TECPR2: variants seen among roughly 807,000 people sequenced by gnomAD.
TECPR2 encodes the protein tectonin beta-propeller repeat containing 2, also known as tectonin beta-propeller repeat-containing protein 2.
TECPR2 carries 65 observed loss-of-function variants against 138.1 expected under a neutral mutation model. The observed-to-expected ratio is 0.47, with a 90% CI of 0.39 to 0.58. TECPR2 has a LOEUF of 0.58. TECPR2 is among the 20% of genes least tolerant of loss of function. TECPR2 has a pLI of 0.00. For missense variants in TECPR2, 1,553 were observed against 1,824.5 expected, an observed-to-expected ratio of 0.85 and a Z score of 2.71; for synonymous variants, 746 against 749.8, an observed-to-expected ratio of 0.99 and a Z score of 0.08.
At chr14:102,432,902 G>C (rs746057906) in intron 8 of TECPR2, among the ~76,000 whole-genome samples, 2 of 151,670 alleles carry the variant, frequency 1.3e-5, no homozygotes, top group Non-Finnish European at 2.9e-5. Flanking sequence ...CACTCGGGAG[G>C]CTGAGGCAGG....
In TECPR2 at chr14:102,438,225, GCTCCCGCTCCCT is replaced by G; in HGVS notation, c.2578+21_2578+32del. 2 of 866,156 alleles carry G rather than the reference GCTCCCGCTCCCT, an allele frequency of 2.3e-6. No individual in the cohort carries two copies. The highest frequency in any genetic ancestry group is 4.3e-5 in the South Asian group (2 of 46,762). 53.7% of individuals were successfully genotyped at this position (866,156 alleles called of 1,614,324 possible). A position where few individuals can be genotyped will look rare whatever the true frequency, so the allele number is the denominator to read the frequency against. Reference sequence around the variant, plus strand: ...CCTCAGGTTCGCCTCCCCGCTCCCTGCTCCCGCTCCCTGCTCCCGCTCGCCGCTCCTGCTCCC... The same window carrying G: ...CCTCAGGTTCGCCTCCCCGCTCCCTGGCTCCCGCTCGCCGCTCCTGCTCCC... On this transcript the variant is annotated intron_variant, in intron 10 of 19. Transcript: ENST00000359520.
In TECPR2 at chr14:102,417,527, G is replaced by A. The variant is rs552330371; in HGVS notation, c.638+2734G>A. On this transcript the variant is annotated intron_variant, in intron 5 of 19. Transcript: ENST00000359520. ...GGCATGGGGCAGGAAGTTGCATTTG[G>A]ATAGGATGGTCAGGAAAGGCCTCTA... Among the ~76,000 whole-genome samples the A allele has an allele frequency of 3.2e-4, 49 of 152,340 alleles. 1 individual carries two copies. The highest frequency in any genetic ancestry group is 3.4e-3 in the Middle Eastern group (1 of 294).
At chr14:102,451,911 C>G (rs1890153260) in intron 15 of TECPR2, among the ~76,000 whole-genome samples, 1 of 152,094 alleles carries the variant, frequency 6.6e-6, no homozygotes. Context: ...CTGCCCCACC[C>G]CCCGGCCCCA....
At chr14:102,426,027 G>A (rs1282015964) in intron 6 of TECPR2, among the ~76,000 whole-genome samples, 2 of 150,920 alleles carry the variant, frequency 1.3e-5, no homozygotes, top group African/African-American at 4.9e-5. Context: ...TGGGATTACA[G>A]GTGCGCACCA....
chr14:102,446,056 C>T (rs956945937), intron 13 of TECPR2, 109 bp downstream of exon 13: 2 of 1,270,234 alleles, frequency 1.6e-6, no homozygotes, highest in Non-Finnish European at 2.1e-6. Context: ...TTAAAATACT[C>T]ACTTTTTTAT....
In TECPR2 at chr14:102,501,833, ACAAAAG is replaced by A. The variant is rs1442841913; in HGVS notation, c.*3579_*3584del. The stretch of plus-strand genomic sequence containing the variant: ...TTCGAGTCGAGTGTAAGGGCCCTTC[ACAAAAG>A]CAGAAGGAACACTGGCCCAAACCCC... On this transcript the variant is annotated 3_prime_UTR_variant, in exon 20 of 20. Coordinates refer to ENST00000359520, the MANE Select transcript of TECPR2 (RefSeq NM_014844.5). The A allele has an allele frequency of 6.6e-6, 1 of 152,192 alleles. No homozygotes were observed. Among genetic ancestry groups the A allele is most frequent in the Non-Finnish European group, 1.5e-5 (1 of 68,034 alleles). The allele number at this position is 152,192 out of a possible 1,614,324, so 9.4% of individuals were successfully genotyped here. A position where few individuals can be genotyped will look rare whatever the true frequency, so the allele number is the denominator to read the frequency against.
chr14:102,424,194 T>A (rs1889255543), intron 5 of TECPR2, among the ~76,000 whole-genome samples: 1 of 152,238 alleles, frequency 6.6e-6, no homozygotes, highest in Non-Finnish European at 1.5e-5. Flanking sequence ...CACATGTGAC[T>A]GTACTGAATA....
intron 4 of TECPR2, among the ~76,000 whole-genome samples, chr14:102,409,081 G>A (rs1178789894): frequency 6.6e-6 from 1 of 152,200 alleles, no homozygotes; most frequent in East Asian, 1.9e-4. Flanking sequence ...AAGAGATCCA[G>A]GAACTAGTCC....
rs1889139230 is a variant in TECPR2 at position 102,420,128 on chromosome 14, C to T, written c.639-4851C>T. On this transcript the variant is annotated intron_variant, in intron 5 of 19. Coordinates refer to ENST00000359520, the MANE Select transcript of TECPR2 (RefSeq NM_014844.5). This position sits in a 1 kb window ranked among gnomAD's most constrained non-coding sequence, Gnocchi z 4.1. ...ATACATTATGCACAAAATCATAAAA[C>T]ACCATTTTATAGCTAGAATTTGTTA... Among the ~76,000 whole-genome samples the T allele has an allele frequency of 6.6e-6, 1 of 152,148 alleles. No homozygotes were observed. Among genetic ancestry groups the T allele is most frequent in the Non-Finnish European group, 1.5e-5 (1 of 68,028 alleles).
intron 4 of TECPR2, 69 bp from the exon 5 acceptor site, chr14:102,414,567 C>T (rs1888970128): frequency 1.3e-6 from 2 of 1,568,048 alleles, no homozygotes; most frequent in Non-Finnish European, 1.7e-6. Flanking sequence ...AGGACACTGA[C>T]TTGTCCTAAG....
intron 2 of TECPR2, among the ~76,000 whole-genome samples, chr14:102,382,775 C>T (rs1456580907): frequency 1.4e-5 from 2 of 145,360 alleles, no homozygotes; most frequent in African/African-American, 2.5e-5. Flanking sequence ...TTTTTTTTTT[C>T]GAGACGGAGT....
intron 2 of TECPR2, among the ~76,000 whole-genome samples, chr14:102,386,810 A>ATGTTGT (rs3068224): frequency 0.037 from 5,693 of 152,176 alleles, 116 homozygotes; most frequent in Middle Eastern, 0.088. Flanking sequence ...TTAAATATTT[A>ATGTTGT]TGTTGTTGTT....
chr14:102,386,771 G>A (rs1291998060), intron 2 of TECPR2, among the ~76,000 whole-genome samples: 2 of 152,156 alleles, frequency 1.3e-5, no homozygotes, highest in African/African-American at 4.8e-5. Context: ...TTGGCTGCCA[G>A]TTATTAGTGG....
At chr14:102,432,881 G>A (rs569147576) in intron 8 of TECPR2, among the ~76,000 whole-genome samples, 2 of 151,720 alleles carry the variant, frequency 1.3e-5, no homozygotes, top group African/African-American at 4.8e-5. Context: ...GCATGTGCCT[G>A]TAATCTCAGT....
At chr14:102,417,487 C>T (rs1889057226) in intron 5 of TECPR2, among the ~76,000 whole-genome samples, 1 of 152,136 alleles carries the variant, frequency 6.6e-6, no homozygotes, top group African/African-American at 2.4e-5. Context: ...CTAGGTGAAG[C>T]ATTAGGGAGT....
At chr14:102,380,265 A>C (rs140989606) in intron 2 of TECPR2, among the ~76,000 whole-genome samples, 55 of 152,292 alleles carry the variant, frequency 3.6e-4, no homozygotes, top group South Asian at 1.9e-3. Flanking sequence ...TAAAGATCAC[A>C]ATCTTAAAAA....
At position 102,438,179 on chromosome 14, in the gene TECPR2, T is replaced by C; in HGVS notation, c.2552T>C (p.Val851Ala). The part of the protein sequence containing the change: ...GLRWQKFEDA[V>A]QQVAVSPSGA... ...CGCTGGCAGAAGTTTGAAGATGCTG[T>C]CCAGCAGGTGGCAGTCTCGCCCTCA... The change falls in exon 10 of 20, where the codon GTC becomes GCC. Residue 851 changes from valine (V) to alanine (A), a missense_variant. Transcript: ENST00000359520. 8 of 1,610,634 alleles carry C rather than the reference T, an allele frequency of 5.0e-6. No homozygotes were observed. The highest frequency in any genetic ancestry group is 6.8e-6 in the Non-Finnish European group (8 of 1,179,738).
intron 10 of TECPR2, among the ~76,000 whole-genome samples, chr14:102,439,671 G>A (rs1889776812): frequency 6.6e-6 from 1 of 152,208 alleles, no homozygotes; most frequent in Non-Finnish European, 1.5e-5. Context: ...GCTCAGTTGA[G>A]GCGTCCTTCA....
intron 16 of TECPR2, among the ~76,000 whole-genome samples, chr14:102,460,989 C>G (rs1890396214): frequency 6.6e-6 from 1 of 152,056 alleles, no homozygotes; most frequent in Non-Finnish European, 1.5e-5. Context: ...GCCACTGCGC[C>G]CAGCCTCAAT....
Sources: allele counts gnomAD v4.1 joint callset (sites outside exome capture counted in the v4.1 genomes callset), GRCh38; gene constraint gnomAD v4.1.1; non-coding constraint Gnocchi (gnomAD v3.1); transcripts MANE v1.5; gene names NCBI Gene and HGNC (gene_info 2026-07-23, HGNC 2026-07-21).